The following WWOX variants were observed in gnomAD, a reference collection of about 807,000 sequenced individuals.
The protein encoded by WWOX is WW domain containing oxidoreductase, also known as WW domain-containing oxidoreductase.
In WWOX, 69 loss-of-function variants were observed where a neutral mutation model predicts 46.2. The observed-to-expected ratio is 1.49, with a 90% CI of 1.23 to 1.82. The LOEUF is 1.82. Among genes scored for constraint, WWOX ranks in the 40% most tolerant of loss-of-function variants. The pLI, the probability that WWOX is intolerant of heterozygous loss-of-function variation, is 0.00. For synonymous variants in WWOX, 359 were observed against 202.6 expected (o/e 1.77, Z -6.56); for missense variants, 919 against 542.6 (o/e 1.69, Z -6.89).
intron 5 of WWOX, chr16:78,168,378 A>T (rs975863332): frequency 4.6e-5 from 7 of 151,734 alleles, no homozygotes; most frequent in Admixed American, 4.6e-4. Flanking sequence ...TCCCTGTCAT[A>T]TGCTGTGTCA....
chr16:78,760,422 C>G (rs777459350), intron 8 of WWOX, among the ~76,000 whole-genome samples: 9 of 152,164 alleles, frequency 5.9e-5, no homozygotes, highest in Non-Finnish European at 1.3e-4. Context: ...TTAACTTAAT[C>G]ACACTTGCAT....
At chr16:78,646,853 C>G (rs570378118) in intron 8 of WWOX, among the ~76,000 whole-genome samples, 17 of 152,292 alleles carry the variant, frequency 1.1e-4, no homozygotes, top group African/African-American at 3.6e-4. Flanking sequence ...GAAACTAACT[C>G]TGCTGTGTCA....
chr16:78,786,198 C>T (rs1413539918), intron 8 of WWOX, among the ~76,000 whole-genome samples: 1 of 152,228 alleles, frequency 6.6e-6, no homozygotes, highest in Non-Finnish European at 1.5e-5. Flanking sequence ...GCGTGAGCCA[C>T]CGCGCCTGGC....
intron 8 of WWOX, among the ~76,000 whole-genome samples, chr16:78,761,059 C>T (rs1047249887): frequency 2.6e-5 from 4 of 152,150 alleles, no homozygotes; most frequent in Non-Finnish European, 5.9e-5. Context: ...CCTCCTACAA[C>T]ACGTAAGAAT....
At chr16:79,140,098 G>A (rs928882751) in intron 8 of WWOX, among the ~76,000 whole-genome samples, 1 of 152,154 alleles carries the variant, frequency 6.6e-6, no homozygotes, top group Non-Finnish European at 1.5e-5. Context: ...CAATGCTGTT[G>A]AGAACATTAA....
chr16:79,125,330 T>A (rs2049728457), intron 8 of WWOX, among the ~76,000 whole-genome samples: 1 of 152,202 alleles, frequency 6.6e-6, no homozygotes, highest in African/African-American at 2.4e-5. Flanking sequence ...CCTGAGAACA[T>A]TTCCTAAATG....
At chr16:78,966,417 C>G (rs2046363890) in intron 8 of WWOX, among the ~76,000 whole-genome samples, 1 of 152,094 alleles carries the variant, frequency 6.6e-6, no homozygotes, top group Admixed American at 6.5e-5. Flanking sequence ...CTGCTTTTGA[C>G]CTTAACACTA....
chr16:78,996,150 A>AT lies in WWOX; in HGVS notation c.1057-215458_1057-215457insT, dbSNP rs1487334424. The AT allele has an allele frequency of 7.3e-5, 64 of 878,122 alleles. No individual in the cohort carries two copies. The African/African-American group carries it at 9.8e-4, about 13-fold the overall frequency. 54.4% of individuals were successfully genotyped at this position (878,122 alleles called of 1,614,324 possible). ...TCAGGCGTAGAATGTTCTTTTTTTT[A>AT]ATTTTTTTTTTAACGAAACTCACAT... On this transcript the variant is annotated intron_variant, in intron 8 of 8. Transcript: ENST00000566780.
chr16:78,710,010 C>A (rs1484853404), intron 8 of WWOX, among the ~76,000 whole-genome samples: 1 of 152,110 alleles, frequency 6.6e-6, no homozygotes, highest in Admixed American at 6.6e-5. Flanking sequence ...GGATTACAGG[C>A]GTCAGCCACC....
chr16:79,193,191 C>T (rs989599466), intron 8 of WWOX, among the ~76,000 whole-genome samples: 2 of 152,236 alleles, frequency 1.3e-5, no homozygotes, highest in African/African-American at 4.8e-5. Flanking sequence ...GTTATGGAAT[C>T]AGATAGACCA....
intron 8 of WWOX, among the ~76,000 whole-genome samples, chr16:79,124,068 C>T (rs557240904): frequency 1.3e-5 from 2 of 151,424 alleles, no homozygotes; most frequent in Non-Finnish European, 1.5e-5. Flanking sequence ...AGTGTGGACT[C>T]GGAGCACTCG....
At chr16:78,187,428 C>T (rs534788750) in intron 5 of WWOX, among the ~76,000 whole-genome samples, 3 of 152,270 alleles carry the variant, frequency 2.0e-5, no homozygotes, top group South Asian at 2.1e-4. Flanking sequence ...ATGGTGAAAA[C>T]CAGTCTCTAC....
chr16:78,459,469 ACTAT>A (rs1356665131), intron 8 of WWOX, among the ~76,000 whole-genome samples: 1 of 152,138 alleles, frequency 6.6e-6, no homozygotes, highest in African/African-American at 2.4e-5. Flanking sequence ...TCCTTTTCTA[ACTAT>A]CAAGGTCATG....
intron 8 of WWOX, among the ~76,000 whole-genome samples, chr16:78,481,903 C>T (rs1440846120): frequency 6.6e-6 from 1 of 152,138 alleles, no homozygotes; most frequent in Non-Finnish European, 1.5e-5. Context: ...AACTTTTCTG[C>T]AGAGAGAGAA....
intron 8 of WWOX, among the ~76,000 whole-genome samples, chr16:78,502,971 C>T (rs1025860824): frequency 8.5e-5 from 13 of 152,148 alleles, no homozygotes; most frequent in African/African-American, 1.4e-4. Flanking sequence ...GAAGGTGCTG[C>T]GATCTTTGAT....
At chr16:78,742,144 C>T (rs1317755240) in intron 8 of WWOX, among the ~76,000 whole-genome samples, 1 of 152,186 alleles carries the variant, frequency 6.6e-6, no homozygotes, top group African/African-American at 2.4e-5. Context: ...CTTTTCCTTG[C>T]AATGTTTTGT....
intron 5 of WWOX, among the ~76,000 whole-genome samples, chr16:78,317,691 G>T (rs1251431428): frequency 1.3e-5 from 2 of 152,078 alleles, no homozygotes; most frequent in African/African-American, 4.8e-5. Flanking sequence ...TGTTGACTCT[G>T]TCCAGAGAGT....
At position 78,791,315 on chromosome 16, in the gene WWOX, G is replaced by C. The variant is rs142415380; in HGVS notation, c.1056+358563G>C. ...GTCTGGTGATGTGCTGGGTGTTGTG[G>C]ATCTGGACTCAACGGCAGTCTCAGG... is the stretch of plus-strand genomic sequence containing the variant. On this transcript the variant is annotated intron_variant, in intron 8 of 8. Coordinates refer to ENST00000566780, the MANE Select transcript of WWOX (RefSeq NM_016373.4). Among the ~76,000 whole-genome samples the C allele has an allele frequency of 2.5e-3, 374 of 152,256 alleles. 1 individual carries two copies. Among genetic ancestry groups the C allele is most frequent in the Non-Finnish European group, 4.4e-3 (297 of 68,020 alleles).
chr16:78,752,362 A>G (rs1189390346), intron 8 of WWOX, among the ~76,000 whole-genome samples: 1 of 152,164 alleles, frequency 6.6e-6, no homozygotes, highest in Admixed American at 6.5e-5. Flanking sequence ...ATCTCAGCTT[A>G]CTGCAACCTC....
Sources: gnomAD v4.1 joint callset for allele counts (sites outside exome capture counted in the v4.1 genomes callset) on GRCh38, gnomAD v4.1.1 for gene constraint, MANE v1.5 for transcripts, NCBI Gene and HGNC (gene_info 2026-07-23, HGNC 2026-07-21) for gene names.